WWOX: variants seen among roughly 807,000 people sequenced by gnomAD.
The protein encoded by WWOX is WW domain containing oxidoreductase.
Under a neutral mutation model 46.2 loss-of-function variants are expected in WWOX, and 69 were observed. The ratio of observed to expected loss-of-function variants is 1.49; its 90% CI spans 1.23 to 1.82. The LOEUF (loss-of-function observed/expected upper bound fraction) is 1.82. Ranked by LOEUF, WWOX falls within the 40% of genes most tolerant of loss-of-function variation. WWOX has a pLI of 0.00. For synonymous variants in WWOX, 359 were observed against 202.6 expected (o/e 1.77, Z -6.56); for missense variants, 919 against 542.6 (o/e 1.69, Z -6.89).
At chr16:78,443,497 G>C (rs904098534) in intron 8 of WWOX, among the ~76,000 whole-genome samples, 5 of 152,238 alleles carry the variant, frequency 3.3e-5, no homozygotes, top group Non-Finnish European at 4.4e-5. Context: ...TAAAAACAAA[G>C]AGAGGGAAAC....
chr16:78,383,121 G>T (rs1046694759), intron 5 of WWOX, among the ~76,000 whole-genome samples: 1 of 151,134 alleles, frequency 6.6e-6, no homozygotes, highest in African/African-American at 2.4e-5. Context: ...CCAGCCCCAT[G>T]ATCCAATCAC....
intron 8 of WWOX, among the ~76,000 whole-genome samples, chr16:78,657,574 C>A (rs1370480232): frequency 6.6e-6 from 1 of 152,162 alleles, no homozygotes; most frequent in African/African-American, 2.4e-5. Context: ...CTGGCCGGGA[C>A]TGAAGCCAGA....
chr16:79,065,848 G>A (rs904574402), intron 8 of WWOX, among the ~76,000 whole-genome samples: 1 of 145,022 alleles, frequency 6.9e-6, no homozygotes, highest in African/African-American at 2.8e-5. Flanking sequence ...GATGGAGTCA[G>A]CTATGCTGTC....
intron 8 of WWOX, among the ~76,000 whole-genome samples, chr16:78,564,727 C>A (rs1367634766): frequency 6.6e-6 from 1 of 152,160 alleles, no homozygotes; most frequent in Admixed American, 6.5e-5. Context: ...AGTCATACAA[C>A]CATATGGTAC....
intron 4 of WWOX, among the ~76,000 whole-genome samples, chr16:78,155,881 A>G (rs1009728075): frequency 3.0e-4 from 45 of 152,192 alleles, no homozygotes; most frequent in African/African-American, 1.1e-3. Context: ...AACAGTAGGT[A>G]GCATTATTAA....
chr16:78,400,062 A>G (rs185113286), intron 6 of WWOX, among the ~76,000 whole-genome samples: 54 of 152,274 alleles, frequency 3.5e-4, no homozygotes, highest in African/African-American at 1.2e-3. Flanking sequence ...TGAAGAATCT[A>G]TTGCATACCT....
chr16:78,788,678 C>G (rs1243557134), intron 8 of WWOX, among the ~76,000 whole-genome samples: 1 of 152,190 alleles, frequency 6.6e-6, no homozygotes, highest in African/African-American at 2.4e-5. Flanking sequence ...TAAGGGGTAG[C>G]AAGTGTTTTC....
intron 5 of WWOX, among the ~76,000 whole-genome samples, chr16:78,172,289 C>T (rs1034619325): frequency 2.6e-5 from 4 of 152,320 alleles, no homozygotes; most frequent in South Asian, 2.1e-4. Flanking sequence ...CTTCGCCTTC[C>T]GTTCCAGACT....
chr16:78,889,815 G>T (rs2044548907), intron 8 of WWOX, among the ~76,000 whole-genome samples: 1 of 152,112 alleles, frequency 6.6e-6, no homozygotes, highest in Non-Finnish European at 1.5e-5. Flanking sequence ...AGATACTGTT[G>T]TCCTCATCTT....
intron 8 of WWOX, among the ~76,000 whole-genome samples, chr16:78,704,151 C>T (rs2048284179): frequency 2.0e-5 from 3 of 151,274 alleles, no homozygotes; most frequent in Admixed American, 2.0e-4. Context: ...TTTTTTTTAA[C>T]CTCCAGCAGC....
chr16:78,620,229 C>G (rs2046143278), intron 8 of WWOX, among the ~76,000 whole-genome samples: 1 of 152,164 alleles, frequency 6.6e-6, no homozygotes, highest in African/African-American at 2.4e-5. Flanking sequence ...AAGCAGCAAG[C>G]TGTTTTAATT....
intron 5 of WWOX, among the ~76,000 whole-genome samples, chr16:78,235,011 G>C (rs1388075211): frequency 1.3e-5 from 2 of 151,596 alleles, no homozygotes; most frequent in African/African-American, 2.4e-5. Flanking sequence ...TAAAGAGGTG[G>C]GGGAGAGGAA....
intron 8 of WWOX, among the ~76,000 whole-genome samples, chr16:78,789,281 C>T (rs1183296548): frequency 6.6e-6 from 1 of 152,154 alleles, no homozygotes; most frequent in Non-Finnish European, 1.5e-5. Flanking sequence ...ATAGTTTTAG[C>T]ACTTATGTTA....
intron 8 of WWOX, among the ~76,000 whole-genome samples, chr16:78,616,210 AC>A (rs1448940845): frequency 3.5e-5 from 5 of 142,570 alleles, no homozygotes; most frequent in Non-Finnish European, 7.6e-5. Context: ...GCACACACAC[AC>A]TTTTGTGGTT....
At chr16:78,507,866 G>A (rs531429137) in intron 8 of WWOX, among the ~76,000 whole-genome samples, 75 of 152,200 alleles carry the variant, frequency 4.9e-4, no homozygotes, top group Non-Finnish European at 9.4e-4. Flanking sequence ...ATGGCCCCCG[G>A]GTCGCATGTG....
At chr16:79,023,265 C>G (rs1007515272) in intron 8 of WWOX, among the ~76,000 whole-genome samples, 1 of 152,168 alleles carries the variant, frequency 6.6e-6, no homozygotes, top group African/African-American at 2.4e-5. Flanking sequence ...ACTGTTCTCC[C>G]TTTGCATTTA....
chr16:78,383,776 C>G (rs539416297), intron 5 of WWOX, among the ~76,000 whole-genome samples: 4 of 152,128 alleles, frequency 2.6e-5, no homozygotes, highest in African/African-American at 9.7e-5. Context: ...AATGGGAAAC[C>G]TGATACCTAG....
chr16:78,880,209 T>C (rs2044315416), intron 8 of WWOX, among the ~76,000 whole-genome samples: 1 of 152,246 alleles, frequency 6.6e-6, no homozygotes. Context: ...ATATCTTTGC[T>C]GTATTTGCAG....
At chr16:78,549,115 T>C (rs2151539986) in intron 8 of WWOX, among the ~76,000 whole-genome samples, 1 of 152,268 alleles carries the variant, frequency 6.6e-6, no homozygotes, top group South Asian at 2.1e-4. Flanking sequence ...AGTGTCACTG[T>C]GGTATTGAGA....
Sources: allele counts gnomAD v4.1 joint callset (sites outside exome capture counted in the v4.1 genomes callset), GRCh38; gene constraint gnomAD v4.1.1; transcripts MANE v1.5; gene names NCBI Gene and HGNC (gene_info 2026-07-23, HGNC 2026-07-21).